Variants in OSBPL10 observed in about 807,000 individuals in gnomAD.
OSBPL10 encodes the protein oxysterol-binding protein-related protein 10.
In OSBPL10, 49 loss-of-function variants were observed where a neutral mutation model predicts 81.7. That is an observed-to-expected ratio of 0.60 (90% CI 0.48 to 0.76). The LOEUF (loss-of-function observed/expected upper bound fraction) is 0.76. Among genes scored for constraint, OSBPL10 ranks in the 30% least tolerant of loss-of-function variants. The pLI is 0.00. For missense variants in OSBPL10, 923 were observed against 987.8 expected, an observed-to-expected ratio of 0.93 and a Z score of 0.88; for synonymous variants, 419 against 383.6, an observed-to-expected ratio of 1.09 and a Z score of -1.08.
chr3:31,897,070 C>G (rs772784414), intron 1 of OSBPL10, among the ~76,000 whole-genome samples: 8 of 152,106 alleles, frequency 5.3e-5, no homozygotes, highest in Non-Finnish European at 1.2e-4. Flanking sequence ...AACATCTACA[C>G]TATAAAAGGA....
chr3:31,956,147 A>C (rs1698001017), intron 1 of OSBPL10, among the ~76,000 whole-genome samples: 1 of 152,202 alleles, frequency 6.6e-6, no homozygotes, highest in East Asian at 1.9e-4. Flanking sequence ...ACTGTTTGTA[A>C]CTAATATCCT....
At chr3:31,952,372 C>A (rs1697894200) in intron 1 of OSBPL10, among the ~76,000 whole-genome samples, 1 of 152,208 alleles carries the variant, frequency 6.6e-6, no homozygotes, top group Admixed American at 6.5e-5. Flanking sequence ...CACCCTAGAT[C>A]TTAACCAGGT....
At chr3:31,766,347 GTTT>G (rs1491035746) in intron 4 of OSBPL10, among the ~76,000 whole-genome samples, 5 of 32,986 alleles carry the variant, frequency 1.5e-4, no homozygotes, top group African/African-American at 2.6e-4. Flanking sequence ...GTTTTTTTTT[GTTT>G]TTTTTTTGAG....
intron 3 of OSBPL10, among the ~76,000 whole-genome samples, chr3:31,871,430 A>G (rs1701323777): frequency 6.6e-6 from 1 of 152,184 alleles, no homozygotes; most frequent in Admixed American, 6.5e-5. Flanking sequence ...AAAACTCCAG[A>G]CAGGCCACCT....
At chr3:31,708,619 C>T in intron 6 of OSBPL10, 1 of 678,310 alleles carries the variant, frequency 1.5e-6, no homozygotes, top group Non-Finnish European at 1.8e-6. Context: ...GCAAGGCATT[C>T]ACTACTACAT....
At chr3:31,764,618 T>C (rs1015347042) in intron 4 of OSBPL10, among the ~76,000 whole-genome samples, 1 of 152,248 alleles carries the variant, frequency 6.6e-6, no homozygotes, top group Non-Finnish European at 1.5e-5. Flanking sequence ...CCCTAGTTTG[T>C]TGTTACTACT....
intron 1 of OSBPL10, among the ~76,000 whole-genome samples, chr3:31,945,012 G>A (rs575949063): frequency 3.3e-5 from 5 of 151,478 alleles, no homozygotes; most frequent in Admixed American, 6.6e-5. Context: ...TTAGCTGGGC[G>A]TGGTGGCACA....
intron 1 of OSBPL10, among the ~76,000 whole-genome samples, chr3:31,882,012 T>C (rs1304135703): frequency 6.6e-6 from 1 of 152,196 alleles, no homozygotes; most frequent in Non-Finnish European, 1.5e-5. Flanking sequence ...CTTCTCCATA[T>C]CACTTCTCCA....
chr3:31,665,297 C>CA (rs1465764237), intron 10 of OSBPL10, among the ~76,000 whole-genome samples: 1 of 152,204 alleles, frequency 6.6e-6, no homozygotes, highest in Non-Finnish European at 1.5e-5. Context: ...TCGGATTTCA[C>CA]AGACAAGGAA....
chr3:31,887,151 A>G (rs558881372), intron 1 of OSBPL10, among the ~76,000 whole-genome samples: 1 of 152,298 alleles, frequency 6.6e-6, no homozygotes, highest in South Asian at 2.1e-4. Context: ...AGCAATGTAC[A>G]CACTGATTCT....
At chr3:31,916,482 T>C (rs899041431) in intron 1 of OSBPL10, among the ~76,000 whole-genome samples, 5 of 152,204 alleles carry the variant, frequency 3.3e-5, no homozygotes, top group Non-Finnish European at 7.3e-5. Context: ...TTTGTTCTCA[T>C]GAGCAGTCAG....
chr3:31,837,757 AAAT>A (rs2125546720), intron 3 of OSBPL10, among the ~76,000 whole-genome samples: 1 of 152,218 alleles, frequency 6.6e-6, no homozygotes, highest in Non-Finnish European at 1.5e-5. Context: ...AGAAAATAGA[AAAT>A]AAGATATCAT....
At chr3:31,981,996 T>G (rs1422584376), upstream of OSBPL10, 2 of 152,210 alleles carry the variant, frequency 1.3e-5, no homozygotes, top group East Asian at 3.9e-4. The surrounding 1 kb of genome is among the most constrained non-coding windows in gnomAD (Gnocchi z 4.5). Flanking sequence ...ACTCTCAGGT[T>G]TGTGCGAGTG....
rs1010313092 is a variant in OSBPL10 at position 31,733,270 on chromosome 3, T to C, written c.1082A>G (p.Gln361Arg). The C allele has an allele frequency of 6.2e-7, 1 of 1,613,224 alleles. No homozygotes were observed. Among genetic ancestry groups the C allele is most frequent in the Non-Finnish European group, 8.5e-7 (1 of 1,179,838 alleles). The change falls in exon 6 of 12, where the codon CAG (glutamine) becomes CGG (arginine). Residue 361 changes from glutamine (Q) to arginine (R), a missense_variant. Gln to Arg is a conservative substitution (Grantham distance 43, BLOSUM62 1). Around this residue, in one of 3 missense-constraint regions of OSBPL10, gnomAD observed 514 missense variants for 508.0 expected, o/e 1.01. Coordinates refer to ENST00000396556, the MANE Select transcript of OSBPL10 (RefSeq NM_017784.5). ...CTGCACGCTTACCTCTGGCTCTGGC[T>C]GTGAGGTTTGTTCGTCTTCAGCAGA... Reference protein sequence around the residue: ...PNSAEDEQTSQPEPEPNSGSE... With the variant: ...PNSAEDEQTSRPEPEPNSGSE...
chr3:32,074,364 C>G (rs758305658), intron 1 of OSBPL10, among the ~76,000 whole-genome samples: 11 of 152,164 alleles, frequency 7.2e-5, no homozygotes, highest in African/African-American at 2.7e-4. Flanking sequence ...ATGCATCTCT[C>G]GACAACAGCC....
chr3:31,750,024 A>G (rs1289423975), intron 4 of OSBPL10, among the ~76,000 whole-genome samples: 1 of 151,394 alleles, frequency 6.6e-6, no homozygotes, highest in East Asian at 2.0e-4. Context: ...CTACTAAAAA[A>G]CACAAAAATA....
At chr3:31,888,017 C>T (rs764960600) in intron 1 of OSBPL10, among the ~76,000 whole-genome samples, 6 of 152,016 alleles carry the variant, frequency 3.9e-5, no homozygotes, top group Non-Finnish European at 8.8e-5. Context: ...AAGCCAGGAA[C>T]AAATATAGTC....
At chr3:31,881,713 G>C (rs1261656166) in intron 1 of OSBPL10, among the ~76,000 whole-genome samples, 1 of 152,114 alleles carries the variant, frequency 6.6e-6, no homozygotes, top group Non-Finnish European at 1.5e-5. Flanking sequence ...TAGCTACTGA[G>C]TTGTTTAGAC....
At chr3:31,791,460 T>G (rs528574711) in intron 4 of OSBPL10, among the ~76,000 whole-genome samples, 16 of 152,310 alleles carry the variant, frequency 1.1e-4, no homozygotes, top group Non-Finnish European at 1.5e-4. Flanking sequence ...GGTTCTGACA[T>G]TTTCTGATAG....
Sources: allele counts gnomAD v4.1 joint callset (sites outside exome capture counted in the v4.1 genomes callset), GRCh38; gene constraint gnomAD v4.1.1; regional missense constraint gnomAD v4.1.1; non-coding constraint Gnocchi (gnomAD v3.1); transcripts MANE v1.5; gene names NCBI Gene and HGNC (gene_info 2026-07-23, HGNC 2026-07-21).